Variants in KRT3 observed in about 807,000 individuals in gnomAD.
The protein encoded by KRT3 is keratin, type II cytoskeletal 3.
In KRT3, 34 loss-of-function variants were observed where a neutral mutation model predicts 45.8. That is an observed-to-expected ratio of 0.74 (90% CI 0.57 to 0.99). The LOEUF (loss-of-function observed/expected upper bound fraction) is 0.99, where lower values mean the gene tolerates loss of function less well. Among genes scored for constraint, KRT3 ranks in the 50% least tolerant of loss-of-function variants. KRT3 has a pLI of 0.00. For synonymous variants in KRT3, 367 were observed against 329.0 expected, an observed-to-expected ratio of 1.12 and a Z score of -1.25; for missense variants, 828 against 820.6, an observed-to-expected ratio of 1.01 and a Z score of -0.11.
In KRT3 at chr12:52,791,804, G is replaced by C; in HGVS notation, c.1201C>G (p.Gln401Glu). Reference sequence around the variant, plus strand: ...TCCCCATGCCTGCCAGCCGTGGTCTGCAGCTCCCCCAACTGCAGAACAGAA... The same window carrying C: ...TCCCCATGCCTGCCAGCCGTGGTCTCCAGCTCCCCCAACTGCAGAACAGAA... ...ALYQTKLGEL[Q>E]TTAGRHGDDL... is the part of the protein sequence containing the mutation. The change falls in exon 6 of 9, where the codon CAG becomes GAG. Residue 401 changes from glutamine (Q) to glutamate (E), a missense_variant. Transcript: ENST00000417996. 1.2e-6 allele frequency: 2 copies of C among 1,614,030 alleles called. 1 individual carries two copies. The highest frequency in any genetic ancestry group is 3.3e-5 in the Admixed American group (2 of 60,016).
rs761759347 is a variant in KRT3 at position 52,795,819 on chromosome 12, G to A, written c.224C>T (p.Ser75Phe). The A allele has an allele frequency of 6.2e-7, 1 of 1,613,844 alleles. No individual in the cohort carries two copies. The highest frequency in any genetic ancestry group is 1.3e-5 in the African/African-American group (1 of 75,018). Reference protein sequence around the residue: ...SISISVAAGGSRAGGFGGGRS... With the variant: ...SISISVAAGGFRAGGFGGGRS... ...CCCTCCCCCAAAGCCTCCAGCCCGG[G>A]AGCCGCCAGCTGCCACGCTGATGGA... Residue 75 changes from serine to phenylalanine, a missense_variant, in exon 1 of 9, where the codon TCC (serine) becomes TTC (phenylalanine). Ser to Phe is a radical substitution (Grantham distance 155, BLOSUM62 -2). Transcript: ENST00000417996.
rs1939545810 is a variant in KRT3 at position 52,792,598 on chromosome 12, T to A, written c.1023+113A>T. ...GTGGAATCCCTTCCAAGGGTCCTCA[T>A]CTCCAGGCTCATTCCAGATGTCTTC... On this transcript the variant is annotated intron_variant, in intron 4 of 8. Coordinates refer to ENST00000417996, the MANE Select transcript of KRT3 (RefSeq NM_057088.3). The A allele has an allele frequency of 5.0e-6, 5 of 992,714 alleles. 1 individual carries two copies. The South Asian group carries it at 6.5e-5, about 13-fold the overall frequency. 61.5% of individuals were successfully genotyped at this position (992,714 alleles called of 1,614,324 possible). A position where few individuals can be genotyped will look rare whatever the true frequency, so the allele number is the denominator to read the frequency against.
At chr12:52,794,586 AT>A (rs1939597086) in intron 1 of KRT3, among the ~76,000 whole-genome samples, 1 of 152,162 alleles carries the variant, frequency 6.6e-6, no homozygotes, top group Non-Finnish European at 1.5e-5. Flanking sequence ...CAATAGAATT[AT>A]TGCTTGTTGT....
At chr12:52,793,618 G>C (rs542402778) in intron 2 of KRT3, among the ~76,000 whole-genome samples, 2 of 151,628 alleles carry the variant, frequency 1.3e-5, no homozygotes, top group Non-Finnish European at 2.9e-5. Context: ...TTTAGACATA[G>C]TCTCGCTCTG....
rs747166456 is a variant in KRT3, at chr12:52,795,512, CTG to C, written c.529_530del (p.Gln177GlufsTer37). 1.2e-6 allele frequency: 2 copies of C among 1,614,166 alleles called. No individual in the cohort carries two copies. The highest frequency in any genetic ancestry group is 2.2e-5 in the South Asian group (2 of 91,080). On this transcript the variant is annotated frameshift_variant, in exon 1 of 9. Coordinates refer to ENST00000417996, the MANE Select transcript of KRT3 (RefSeq NM_057088.3). LOFTEE classifies it high-confidence loss of function. ...CCACATTGAGGGGCTGCAGGAGACT[CTG>C]GTTGATAGTCACTTCCTGAATTCCC... ...PGGIQEVTIN[Q>X]SLLQPLNVEI...
intron 1 of KRT3, among the ~76,000 whole-genome samples, 184 bp from the exon 2 acceptor site, chr12:52,794,515 C>CTACA (rs1459841747): frequency 6.6e-6 from 1 of 152,170 alleles, no homozygotes; most frequent in Non-Finnish European, 1.5e-5. Flanking sequence ...AGTCAGGACA[C>CTACA]TACACTTGCA....
chr12:52,795,720 C>A lies in KRT3; in HGVS notation c.323G>T (p.Gly108Val). 6.2e-7 allele frequency: 1 copy of A among 1,613,640 alleles called. No individual in the cohort carries two copies. Among genetic ancestry groups the A allele is most frequent in the Non-Finnish European group, 8.5e-7 (1 of 1,179,810 alleles). ...TCCCATTCCTCTGCCACCACCAAAG[C>A]CACCACCAAAGCCACCTCCATAGCC... Reference protein sequence around the residue: ...GSGYGGGFGGGFGGGRGMGGG... With the variant: ...GSGYGGGFGGVFGGGRGMGGG... The change falls in exon 1 of 9, where the codon GGC becomes GTC. Residue 108 changes from glycine to valine, a missense_variant. By Grantham distance (109) the Gly-to-Val change is moderately radical (BLOSUM62 -3). Coordinates refer to ENST00000417996, the MANE Select transcript of KRT3 (RefSeq NM_057088.3).
At position 52,794,173 on chromosome 12, in the gene KRT3, C is replaced by G. The variant is rs1939587446; in HGVS notation, c.804G>C (p.Glu268Asp). 4 of 1,614,098 alleles carry G rather than the reference C, an allele frequency of 2.5e-6. No individual in the cohort carries two copies. The highest frequency in any genetic ancestry group is 3.4e-6 in the Non-Finnish European group (4 of 1,180,042). The change falls in exon 2 of 9, where the codon GAG becomes GAC. Residue 268 changes from glutamate to aspartate, a missense_variant. Glu to Asp is a conservative substitution (Grantham distance 45). Coordinates refer to ENST00000417996, the MANE Select transcript of KRT3 (RefSeq NM_057088.3). ...TCAGCTCAGAGTCCAGGCGCCCTCT[C>G]TCCCCGAGGATGTTGTCCAGGTAGC... ...LRSYLDNILG[E>D]RGRLDSELKN... is the part of the protein sequence containing the mutation.
chr12:52,791,560 TG>T, intron 6 of KRT3, 130 bp downstream of exon 6: 1 of 1,438,928 alleles, frequency 6.9e-7, no homozygotes, highest in Non-Finnish European at 9.6e-7. Context: ...TCTCCATTTG[TG>T]GAGATACTGC....
intron 5 of KRT3, 88 bp downstream of exon 5, chr12:52,792,151 C>A: frequency 9.0e-7 from 1 of 1,110,624 alleles, no homozygotes; most frequent in Non-Finnish European, 1.3e-6. Context: ...CACCCAGTGA[C>A]CACTGGGAAC....
intron 6 of KRT3, 23 bp downstream of exon 6, chr12:52,791,668 G>T: frequency 6.2e-7 from 1 of 1,613,876 alleles, no homozygotes; most frequent in Non-Finnish European, 8.5e-7. Flanking sequence ...CATCCCAGGT[G>T]CCAGCATCCA....
chr12:52,791,171 C>A, intron 7 of KRT3, 35 bp downstream of exon 7: 1 of 1,613,670 alleles, frequency 6.2e-7, no homozygotes, highest in Non-Finnish European at 8.5e-7. Flanking sequence ...ATGACTTGAG[C>A]CAGGGGGTGT....
chr12:52,791,726 T>C lies in KRT3; in HGVS notation c.1279A>G (p.Arg427Gly). The change falls in exon 6 of 9, where the codon AGG becomes GGG. Residue 427 changes from arginine to glycine, a missense_variant. Physicochemically the swap from Arg to Gly is moderately radical, Grantham distance 125. Coordinates refer to ENST00000417996, the MANE Select transcript of KRT3 (RefSeq NM_057088.3). ...EIIELNRMIQ[R>G]LRAEIEGVKK... ...ACACCCTCGATCTCTGCCCGCAGCC[T>C]CTGGATCATTCTGTTGAGCTCTATG... 1 of 1,614,118 alleles carries C rather than the reference T, an allele frequency of 6.2e-7. No individual in the cohort carries two copies.
chr12:52,790,203 A>G lies in KRT3; in HGVS notation c.1726T>C (p.Phe576Leu). Residue 576 changes from phenylalanine (F) to leucine (L), a missense_variant, in exon 9 of 9, where the codon TTT becomes CTT. By Grantham distance (22) the Phe-to-Leu change is conservative. Coordinates refer to ENST00000417996, the MANE Select transcript of KRT3 (RefSeq NM_057088.3). Reference sequence around the variant, plus strand: ...CTGAAACCGCTGCTGCCGCCGCCAAATCCACCGCCGATTCCACCGCCGCCT... The same window carrying G: ...CTGAAACCGCTGCTGCCGCCGCCAAGTCCACCGCCGATTCCACCGCCGCCT... ...RGGGGGIGGG[F>L]GGGSSGFSGG... is the part of the protein sequence containing the mutation. 1 of 1,549,208 alleles carries G rather than the reference A, an allele frequency of 6.5e-7. No individual in the cohort carries two copies.
Position 52,792,227 on chromosome 12 carries a change from A to G in KRT3, c.1188+12T>C, listed in dbSNP as rs1350330072. 6 of 1,611,686 alleles carry G rather than the reference A, an allele frequency of 3.7e-6. No individual in the cohort carries two copies. The South Asian group carries it at 6.6e-5, about 18-fold the overall frequency. On this transcript the variant is annotated intron_variant, in intron 5 of 8. Coordinates refer to ENST00000417996, the MANE Select transcript of KRT3 (RefSeq NM_057088.3). ...CCTCCAGTGGATCCCGTAAGAGGTGACTAGCACCCACCTTGGTCTGGTACA... is the reference window on the plus strand; with the variant it reads ...CCTCCAGTGGATCCCGTAAGAGGTGGCTAGCACCCACCTTGGTCTGGTACA...
In KRT3 at chr12:52,795,780, G is replaced by A; in HGVS notation, c.263C>T (p.Ala88Val). 3 of 1,613,888 alleles carry A rather than the reference G, an allele frequency of 1.9e-6. No individual in the cohort carries two copies. The highest frequency in any genetic ancestry group is 2.5e-6 in the Non-Finnish European group (3 of 1,179,872). Residue 88 changes from alanine (A) to valine (V), a missense_variant, in exon 1 of 9, where the codon GCC becomes GTC. Transcript: ENST00000417996. ...GGFGGGRSSCAFAGGYGGGFG... is the reference protein window; with the variant it reads ...GGFGGGRSSCVFAGGYGGGFG... ...GCCACCTCCATAGCCACCTGCAAAG[G>A]CACAGCTGCTCCGCCCTCCCCCAAA...
chr12:52,790,301 CCGTAACCT>C lies in KRT3; in HGVS notation c.1620_1627del (p.Gly541ArgfsTer184). On this transcript the variant is annotated frameshift_variant, in exon 9 of 9. Transcript: ENST00000417996. LOFTEE classifies it low-confidence loss of function (END_TRUNC). ...TCCTAAACCACCGCCCATGCCTCCG[CCGTAACCT>C]CCTCCATAGCCACCTGCGGAGGCGG... 10 of 1,569,252 alleles carry C rather than the reference CCGTAACCT, an allele frequency of 6.4e-6. No homozygotes were observed. Among genetic ancestry groups the C allele is most frequent in the Non-Finnish European group, 7.8e-6 (9 of 1,157,096 alleles).
At chr12:52,790,914 A>C (rs747337111) in intron 7 of KRT3, 42 bp from the exon 8 acceptor site, 2 of 1,560,368 alleles carry the variant, frequency 1.3e-6, no homozygotes, top group East Asian at 2.3e-5. Flanking sequence ...GTCACAAAGC[A>C]CATCACCAAC....
Position 52,789,956 on chromosome 12 carries a change from G to A in KRT3, c.*86C>T. ...GCAGAGCCGCGTTCTTGGGGAGCAT[G>A]GGGTGGCGCTGGGGGTGTTGCCAAT... On this transcript the variant is annotated 3_prime_UTR_variant, in exon 9 of 9. Transcript: ENST00000417996. 1 of 1,342,366 alleles carries A rather than the reference G, an allele frequency of 7.4e-7. No homozygotes were observed. Among genetic ancestry groups the A allele is most frequent in the Non-Finnish European group, 1.0e-6 (1 of 969,874 alleles). The allele number at this position is 1,342,366 out of a possible 1,614,324, so 83.2% of individuals were successfully genotyped here.
Sources: gnomAD v4.1 joint callset for allele counts (sites outside exome capture counted in the v4.1 genomes callset) on GRCh38, gnomAD v4.1.1 for gene constraint, MANE v1.5 for transcripts, NCBI Gene and HGNC (gene_info 2026-07-23, HGNC 2026-07-21) for gene names.